CHODL: variants seen among roughly 807,000 people sequenced by gnomAD.
CHODL encodes chondrolectin, also known as transmembrane protein MT75.
CHODL carries 29 observed loss-of-function variants against 34.5 expected under a neutral mutation model. The observed-to-expected ratio is 0.84, with a 90% CI of 0.63 to 1.15. The LOEUF (loss-of-function observed/expected upper bound fraction) is 1.15. Ranked by LOEUF, CHODL falls within the 50% of genes most tolerant of loss-of-function variation. The probability of loss-of-function intolerance (pLI) is 0.00; values close to 1 mark genes in which losing one functional copy is unlikely to be tolerated. For synonymous variants in CHODL, 125 were observed against 116.1 expected (o/e 1.08, Z -0.49); for missense variants, 332 against 332.5 (o/e 1.00, Z 0.01).
chr21:17,935,876 C>A (rs1406805186), intron 1 of CHODL, among the ~76,000 whole-genome samples: 2 of 152,174 alleles, frequency 1.3e-5, no homozygotes, highest in Non-Finnish European at 2.9e-5. Flanking sequence ...AGCACGAAGA[C>A]AGGAGTGCAT....
At chr21:18,037,670 T>C (rs1453215451) in intron 2 of CHODL, among the ~76,000 whole-genome samples, 1 of 151,606 alleles carries the variant, frequency 6.6e-6, no homozygotes, top group African/African-American at 2.4e-5. Context: ...CTCTCCAAGA[T>C]CAGAGAGAAT....
intron 2 of CHODL, among the ~76,000 whole-genome samples, chr21:18,194,174 G>A (rs888902939): frequency 2.6e-5 from 4 of 152,138 alleles, no homozygotes; most frequent in Middle Eastern, 6.3e-3. Context: ...TCTCTGTAAA[G>A]AAACTGTGAA....
chr21:18,027,156 T>A (rs2064185415), intron 1 of CHODL, among the ~76,000 whole-genome samples: 1 of 152,026 alleles, frequency 6.6e-6, no homozygotes, highest in Non-Finnish European at 1.5e-5. Context: ...TGCCTCTCAT[T>A]CTAGCTACTT....
intron 1 of CHODL, among the ~76,000 whole-genome samples, chr21:18,023,722 AC>A (rs1384807799): frequency 6.6e-6 from 1 of 152,124 alleles, no homozygotes; most frequent in African/African-American, 2.4e-5. Flanking sequence ...AGCAGTATTT[AC>A]CCTTTACCCT....
At position 18,110,962 on chromosome 21, in the gene CHODL, T is replaced by C. The variant is rs2065343343; in HGVS notation, c.-45+82991T>C. Among the ~76,000 whole-genome samples, 3 of 152,216 alleles carry C rather than the reference T, an allele frequency of 2.0e-5. No homozygotes were observed. The South Asian group carries it at 6.2e-4, about 32-fold the overall frequency. On this transcript the variant is annotated intron_variant, in intron 2 of 6. Transcript: ENST00000400127. ...CTCTGTAAATAGGGATCTCTTGTCTTGCCCTATATGTTCTCCAGACATGTG... is the reference window on the plus strand; with the variant it reads ...CTCTGTAAATAGGGATCTCTTGTCTCGCCCTATATGTTCTCCAGACATGTG...
intron 2 of CHODL, among the ~76,000 whole-genome samples, chr21:18,203,764 T>G (rs546014627): frequency 2.0e-5 from 3 of 152,294 alleles, no homozygotes; most frequent in South Asian, 2.1e-4. Context: ...CATAAGATAT[T>G]CAGTCTGGCC....
chr21:17,976,615 G>A (rs565383823), intron 1 of CHODL, among the ~76,000 whole-genome samples: 40 of 152,202 alleles, frequency 2.6e-4, no homozygotes, highest in African/African-American at 3.4e-4. Context: ...AATTGTCAGC[G>A]TACACTTGAC....
intron 2 of CHODL, among the ~76,000 whole-genome samples, chr21:18,229,403 GAT>G (rs1316635992): frequency 6.6e-6 from 1 of 152,114 alleles, no homozygotes; most frequent in Admixed American, 6.6e-5. Context: ...AGGTGTGTTC[GAT>G]ATATCTGGCA....
At chr21:18,161,063 T>G (rs1404443122) in intron 2 of CHODL, among the ~76,000 whole-genome samples, 1 of 152,196 alleles carries the variant, frequency 6.6e-6, no homozygotes, top group Non-Finnish European at 1.5e-5. Flanking sequence ...TGGTTTTGAT[T>G]TACGTTTCTT....
At chr21:18,181,080 G>A (rs915211366) in intron 2 of CHODL, among the ~76,000 whole-genome samples, 2 of 152,146 alleles carry the variant, frequency 1.3e-5, no homozygotes, top group Non-Finnish European at 2.9e-5. Flanking sequence ...AGTACTTAGA[G>A]TACTTGTTAT....
chr21:17,919,180 G>A (rs1418738078), intron 1 of CHODL, among the ~76,000 whole-genome samples: 1 of 152,216 alleles, frequency 6.6e-6, no homozygotes, highest in African/African-American at 2.4e-5. Flanking sequence ...TCTGGAGGAT[G>A]ATGGCCCTCT....
At chr21:18,228,378 A>G (rs1486525078) in intron 2 of CHODL, among the ~76,000 whole-genome samples, 4 of 152,158 alleles carry the variant, frequency 2.6e-5, no homozygotes, top group Admixed American at 6.6e-5. Flanking sequence ...ATGTACATCT[A>G]TAAGTGACAA....
intron 2 of CHODL, among the ~76,000 whole-genome samples, chr21:18,095,123 CAAAA>C (rs71329775): frequency 7.6e-6 from 1 of 131,832 alleles, no homozygotes; most frequent in Non-Finnish European, 1.6e-5. Context: ...GACTTTGTCT[CAAAA>C]AAAAAAAAGA....
chr21:18,027,422 C>A (rs2064188060), intron 1 of CHODL, among the ~76,000 whole-genome samples: 1 of 151,950 alleles, frequency 6.6e-6, no homozygotes, highest in Admixed American at 6.6e-5. Context: ...TGAAGGAAAG[C>A]AAAATACAAA....
At chr21:18,168,177 T>C (rs2073181524) in intron 2 of CHODL, among the ~76,000 whole-genome samples, 1 of 152,230 alleles carries the variant, frequency 6.6e-6, no homozygotes, top group Non-Finnish European at 1.5e-5. Context: ...TTCACTACTT[T>C]TGAGGTTTTG....
At chr21:18,016,556 G>A (rs2064076251) in intron 1 of CHODL, among the ~76,000 whole-genome samples, 1 of 151,524 alleles carries the variant, frequency 6.6e-6, no homozygotes, top group Non-Finnish European at 1.5e-5. Flanking sequence ...CTACCTGCAG[G>A]GGTAGAGCCC....
At chr21:18,050,153 G>A (rs571335012) in intron 2 of CHODL, among the ~76,000 whole-genome samples, 1 of 152,042 alleles carries the variant, frequency 6.6e-6, no homozygotes, top group South Asian at 2.1e-4. Context: ...CCTGCTTCGT[G>A]TGATCCTTAG....
intron 1 of CHODL, among the ~76,000 whole-genome samples, chr21:17,949,774 A>G (rs2063441150): frequency 6.6e-6 from 1 of 152,200 alleles, no homozygotes; most frequent in Non-Finnish European, 1.5e-5. Flanking sequence ...TATAATAAAG[A>G]TCTAAAGTAA....
intron 1 of CHODL, among the ~76,000 whole-genome samples, chr21:17,994,558 G>A (rs551986352): frequency 6.6e-6 from 1 of 152,204 alleles, no homozygotes; most frequent in Non-Finnish European, 1.5e-5. Flanking sequence ...TGGCCCACAC[G>A]TGTCCTGATG....
Sources: gnomAD v4.1 joint callset for allele counts (sites outside exome capture counted in the v4.1 genomes callset) on GRCh38, gnomAD v4.1.1 for gene constraint, MANE v1.5 for transcripts, NCBI Gene and HGNC (gene_info 2026-07-23, HGNC 2026-07-21) for gene names.